The following RAD54B variants were observed in gnomAD, a reference collection of about 807,000 sequenced individuals.
The protein encoded by RAD54B is DNA repair and recombination protein RAD54B.
A neutral mutation model predicts 95.8 loss-of-function variants in RAD54B; 78 were observed. That is an observed-to-expected ratio of 0.81 (90% confidence interval 0.68 to 0.98). RAD54B has a LOEUF of 0.98. Ranked by LOEUF, RAD54B falls within the 50% of genes least tolerant of loss-of-function variation. The pLI, the probability that RAD54B is intolerant of heterozygous loss-of-function variation, is 0.00. For synonymous variants in RAD54B, 328 were observed against 354.9 expected (o/e 0.92, Z 0.85); for missense variants, 957 against 1,056.6 (o/e 0.91, Z 1.31).
At position 94,387,138 on chromosome 8, in the gene RAD54B, A is replaced by G; in HGVS notation, c.1831T>C (p.Cys611Arg). Residue 611 changes from cysteine (C) to arginine (R), a missense_variant, in exon 11 of 15, where the codon TGT (cysteine) becomes CGT (arginine). Cys to Arg is a radical substitution (Grantham distance 180, BLOSUM62 -3). Coordinates refer to ENST00000336148, the MANE Select transcript of RAD54B (RefSeq NM_012415.3). ...SIKEKECSST[C>R]DKNEEKSLYK... Reference sequence around the variant, plus strand: ...AGACTCTTTTCTTCATTTTTATCACAAGTTGAGCTACATTCCTTTTCCTAT... The same window carrying G: ...AGACTCTTTTCTTCATTTTTATCACGAGTTGAGCTACATTCCTTTTCCTAT... 6.3e-7 allele frequency: 1 copy of G among 1,596,134 alleles called. No individual in the cohort carries two copies.
Position 94,404,205 on chromosome 8 carries a change from G to A in RAD54B, c.816C>T (p.His272=), listed in dbSNP as rs1365335617. ...AACAGTTCTTATTGAATACCCACTGGTGATTCTTATCTGGTCGTGGCATAA... is the reference window on the plus strand; with the variant it reads ...AACAGTTCTTATTGAATACCCACTGATGATTCTTATCTGGTCGTGGCATAA... ...SLVMPRPDKN[H]QWVFNKNCFP... is the part of the protein sequence containing the mutation. The change falls in exon 6 of 15, where the codon CAC becomes CAT. Residue 272 remains histidine, a synonymous_variant. Transcript: ENST00000336148. 2 of 1,608,452 alleles carry A rather than the reference G, an allele frequency of 1.2e-6. No individual in the cohort carries two copies. The highest frequency in any genetic ancestry group is 1.7e-6 in the Non-Finnish European group (2 of 1,177,684).
chr8:94,418,864 A>G (rs1811733987), intron 3 of RAD54B, among the ~76,000 whole-genome samples: 1 of 152,168 alleles, frequency 6.6e-6, no homozygotes, highest in South Asian at 2.1e-4. Context: ...GATAGCTTTG[A>G]CTATCATAAA....
At chr8:94,400,197 T>A in intron 7 of RAD54B, 41 bp downstream of exon 7, 4 of 1,526,774 alleles carry the variant, frequency 2.6e-6, no homozygotes, top group Non-Finnish European at 3.6e-6. Flanking sequence ...AAAAACTAGA[T>A]TTTTTTTAAA....
intron 9 of RAD54B, among the ~76,000 whole-genome samples, chr8:94,392,858 G>A (rs915406944): frequency 7.5e-6 from 1 of 133,212 alleles, no homozygotes; most frequent in African/African-American, 2.9e-5. Flanking sequence ...TTTTTTTTGA[G>A]ATGGAGTTTC....
chr8:94,411,875 T>C (rs964229811), intron 3 of RAD54B, among the ~76,000 whole-genome samples: 10 of 152,130 alleles, frequency 6.6e-5, no homozygotes, highest in Non-Finnish European at 1.0e-4. Flanking sequence ...CACATACTTT[T>C]TGTGGTGAAA....
At chr8:94,376,640 T>G (rs943813402) in intron 14 of RAD54B, among the ~76,000 whole-genome samples, 1 of 150,250 alleles carries the variant, frequency 6.7e-6, no homozygotes, top group Admixed American at 6.6e-5. Context: ...TTCTACCCAC[T>G]AAAAAATAAA....
intron 11 of RAD54B, among the ~76,000 whole-genome samples, chr8:94,383,076 C>T (rs913502552): frequency 6.6e-5 from 10 of 152,000 alleles, no homozygotes; most frequent in African/African-American, 2.4e-4. Flanking sequence ...GGGGGTGGGT[C>T]ACCTGAGGTC....
At chr8:94,392,764 A>AT (rs34856809) in intron 9 of RAD54B, among the ~76,000 whole-genome samples, 1,705 of 72,578 alleles carry the variant, frequency 0.023, 40 homozygotes, top group African/African-American at 0.052. Flanking sequence ...CACCTGGCTG[A>AT]TTTTTTTTTT....
intron 3 of RAD54B, among the ~76,000 whole-genome samples, chr8:94,451,845 C>T (rs1304953318): frequency 6.6e-6 from 1 of 151,638 alleles, no homozygotes; most frequent in Non-Finnish European, 1.5e-5. Context: ...AAATACAACA[C>T]ATATCCTGGT....
chr8:94,403,153 T>G (rs1431869653), intron 6 of RAD54B, among the ~76,000 whole-genome samples: 1 of 152,112 alleles, frequency 6.6e-6, no homozygotes, highest in East Asian at 1.9e-4. Flanking sequence ...AGGACAAATT[T>G]TAAAATCAAG....
At chr8:94,412,281 G>C (rs780090602) in intron 3 of RAD54B, among the ~76,000 whole-genome samples, 43 of 151,984 alleles carry the variant, frequency 2.8e-4, no homozygotes, top group Admixed American at 1.6e-3. Context: ...TCCATTGATG[G>C]ACACTTAAGT....
In RAD54B at chr8:94,372,380, C is replaced by T. The variant is rs1046097983; in HGVS notation, c.2523G>A (p.Ser841=). 60 of 1,612,482 alleles carry T rather than the reference C, an allele frequency of 3.7e-5. No homozygotes were observed. Among genetic ancestry groups the T allele is most frequent in the Middle Eastern group, 1.6e-4 (1 of 6,076 alleles). Residue 841 remains serine, a synonymous_variant, in exon 15 of 15, where the codon TCG becomes TCA. Transcript: ENST00000336148. The part of the protein sequence containing the change: ...CTGEEVHTGD[S]LEKFIVSRDC... ...CTCTAGAGACAATGAATTTTTCCAA[C>T]GAATCACCTGTAATAAGTAAAACAA...
intron 11 of RAD54B, 21 bp downstream of exon 11, chr8:94,386,963 A>T: frequency 6.4e-7 from 1 of 1,565,962 alleles, no homozygotes. Context: ...AGCACTTATA[A>T]GTTTGTTAAA....
At chr8:94,379,346 C>T (rs10097080) in intron 12 of RAD54B, among the ~76,000 whole-genome samples, 1,776 of 152,264 alleles carry the variant, frequency 0.012, 16 homozygotes, top group Admixed American at 0.018. Context: ...AAACAAAATT[C>T]TGGACACCAA....
At position 94,372,048 on chromosome 8, in the gene RAD54B, A is replaced by G; in HGVS notation, c.*122T>C. 2 of 1,416,468 alleles carry G rather than the reference A, an allele frequency of 1.4e-6. No homozygotes were observed. Among genetic ancestry groups the G allele is most frequent in the Non-Finnish European group, 1.8e-6 (2 of 1,084,634 alleles). 87.7% of individuals were successfully genotyped at this position (1,416,468 alleles called of 1,614,324 possible). On this transcript the variant is annotated 3_prime_UTR_variant, in exon 15 of 15. Transcript: ENST00000336148. Reference sequence around the variant, plus strand: ...CACTCAATTTTGACTATTGTATCAAAAGTGATATATTTTGCAACATATACT... The same window carrying G: ...CACTCAATTTTGACTATTGTATCAAGAGTGATATATTTTGCAACATATACT...
At chr8:94,444,139 A>C (rs1812464664) in intron 3 of RAD54B, among the ~76,000 whole-genome samples, 1 of 152,174 alleles carries the variant, frequency 6.6e-6, no homozygotes. Context: ...AAAGAACTCA[A>C]CTTCACAAGT....
At chr8:94,384,027 A>C (rs919360554) in intron 11 of RAD54B, among the ~76,000 whole-genome samples, 1 of 152,228 alleles carries the variant, frequency 6.6e-6, no homozygotes, top group Non-Finnish European at 1.5e-5. Context: ...TTCTGGATTT[A>C]TATCCAAAAG....
intron 3 of RAD54B, chr8:94,436,607 C>G (rs1180301078): frequency 3.9e-6 from 6 of 1,550,486 alleles, no homozygotes; most frequent in Middle Eastern, 3.3e-4. Flanking sequence ...GATTGGGTCT[C>G]TTTTTGCTGC....
chr8:94,422,566 C>T (rs1238795199), intron 3 of RAD54B, among the ~76,000 whole-genome samples: 1 of 105,728 alleles, frequency 9.5e-6, no homozygotes, highest in African/African-American at 3.6e-5. Flanking sequence ...CCAGCCTGGA[C>T]GATAGAGCGA....
Sources: allele counts gnomAD v4.1 joint callset (sites outside exome capture counted in the v4.1 genomes callset), GRCh38; gene constraint gnomAD v4.1.1; transcripts MANE v1.5; gene names NCBI Gene and HGNC (gene_info 2026-07-23, HGNC 2026-07-21).